Variants in PJA2 observed in about 807,000 individuals in gnomAD.
PJA2 encodes the protein praja ring finger ubiquitin ligase 2, also known as E3 ubiquitin-protein ligase Praja-2.
Under a neutral mutation model 69.3 loss-of-function variants are expected in PJA2, and 25 were observed. That is an observed-to-expected ratio of 0.36 (90% confidence interval 0.26 to 0.50). The LOEUF (loss-of-function observed/expected upper bound fraction) is 0.50, where lower values mean the gene tolerates loss of function less well. Among genes scored for constraint, PJA2 ranks in the 20% least tolerant of loss-of-function variants. The pLI is 0.96. For synonymous variants in PJA2, 308 were observed against 277.8 expected (o/e 1.11, Z -1.08); for missense variants, 809 against 830.2 (o/e 0.97, Z 0.31).
At chr5:109,342,211 C>A (rs1762081258) in intron 9 of PJA2, among the ~76,000 whole-genome samples, 1 of 82,058 alleles carries the variant, frequency 1.2e-5, no homozygotes, top group Non-Finnish European at 2.6e-5. Flanking sequence ...GGGGGTCAGC[C>A]CCCCCGCCCG....
At chr5:109,372,297 A>G (rs926619813) in intron 4 of PJA2, among the ~76,000 whole-genome samples, 1 of 152,208 alleles carries the variant, frequency 6.6e-6, no homozygotes, top group African/African-American at 2.4e-5. Flanking sequence ...CAACTCAAGA[A>G]TGCTCTATTT....
In PJA2 at chr5:109,337,022, G is replaced by A. The variant is rs1225838195; in HGVS notation, c.*209C>T. 3.3e-6 allele frequency: 1 copy of A among 300,804 alleles called. No individual in the cohort carries two copies. The highest frequency in any genetic ancestry group is 5.8e-6 in the Non-Finnish European group (1 of 172,680). 18.6% of individuals were successfully genotyped at this position (300,804 alleles called of 1,614,324 possible). ...CAAACATATTCAACTAAAGAAAATGGATGCACTGTCTCAACATTCAGCTTA... is the reference window on the plus strand; with the variant it reads ...CAAACATATTCAACTAAAGAAAATGAATGCACTGTCTCAACATTCAGCTTA... On this transcript the variant is annotated 3_prime_UTR_variant, in exon 10 of 10. Coordinates refer to ENST00000361189, the MANE Select transcript of PJA2 (RefSeq NM_014819.5).
At chr5:109,355,889 T>C (rs1316993753) in intron 7 of PJA2, 26 bp downstream of exon 7, 1 of 1,490,272 alleles carries the variant, frequency 6.7e-7, no homozygotes, top group Non-Finnish European at 9.3e-7. Flanking sequence ...TCAACTTATA[T>C]ATGGAGATCA....
chr5:109,359,159 A>G (rs1360005003), intron 6 of PJA2, among the ~76,000 whole-genome samples: 5 of 152,212 alleles, frequency 3.3e-5, no homozygotes, highest in Admixed American at 1.3e-4. Context: ...AAGAATAAAT[A>G]TATTTTCTCT....
intron 9 of PJA2, 78 bp downstream of exon 9, chr5:109,344,112 A>G: frequency 3.2e-6 from 3 of 930,734 alleles, no homozygotes; most frequent in Non-Finnish European, 4.4e-6. Context: ...AAAAAAAAAA[A>G]AAAAAAAAGA....
chr5:109,350,113 T>C (rs1415493096), intron 7 of PJA2, among the ~76,000 whole-genome samples: 1 of 152,190 alleles, frequency 6.6e-6, no homozygotes, highest in Non-Finnish European at 1.5e-5. Context: ...GTTCATTATC[T>C]CTTTCTAATG....
In PJA2 at chr5:109,337,122, C is replaced by A; in HGVS notation, c.*109G>T. The stretch of plus-strand genomic sequence containing the variant: ...TATTCTTTCTAAACTATGGCATATA[C>A]TATATATAGCATTTTTAAATATATT... On this transcript the variant is annotated 3_prime_UTR_variant, in exon 10 of 10. Transcript: ENST00000361189. 9.6e-7 allele frequency: 1 copy of A among 1,036,600 alleles called. No individual in the cohort carries two copies. The highest frequency in any genetic ancestry group is 1.3e-6 in the Non-Finnish European group (1 of 768,740). 64.2% of individuals were successfully genotyped at this position (1,036,600 alleles called of 1,614,324 possible). A position where few individuals can be genotyped will look rare whatever the true frequency, so the allele number is the denominator to read the frequency against.
chr5:109,352,791 TATTAG>T (rs1407736349), intron 7 of PJA2, among the ~76,000 whole-genome samples: 1 of 151,390 alleles, frequency 6.6e-6, no homozygotes, highest in African/African-American at 2.4e-5. Flanking sequence ...TAGATATCTA[TATTAG>T]ATATGTATAT....
rs895136736 is a variant in PJA2, at chr5:109,335,494, G to C, written c.*1737C>G. On this transcript the variant is annotated 3_prime_UTR_variant, in exon 10 of 10. Coordinates refer to ENST00000361189, the MANE Select transcript of PJA2 (RefSeq NM_014819.5). ...TTAATATAGTCTAAATATAATGTGT[G>C]GCTTATTATAGAGAAATCTTTAGCA... 3.9e-5 allele frequency: 6 copies of C among 152,248 alleles called. No homozygotes were observed. The highest frequency in any genetic ancestry group is 1.2e-4 in the African/African-American group (5 of 41,422). The allele number at this position is 152,248 out of a possible 1,614,324, so 9.4% of individuals were successfully genotyped here.
intron 4 of PJA2, among the ~76,000 whole-genome samples, chr5:109,374,764 A>T (rs1746820657): frequency 6.6e-6 from 1 of 152,196 alleles, no homozygotes; most frequent in African/African-American, 2.4e-5. Context: ...AGAAACCTCA[A>T]ATGCTATAAG....
chr5:109,391,997 A>C (rs1031112484), intron 1 of PJA2, among the ~76,000 whole-genome samples: 3 of 152,230 alleles, frequency 2.0e-5, no homozygotes, highest in African/African-American at 7.2e-5. Context: ...TGGAAGATTC[A>C]GTTTTATGAA....
At chr5:109,395,305 G>C (rs968279348) in intron 1 of PJA2, among the ~76,000 whole-genome samples, 2 of 152,190 alleles carry the variant, frequency 1.3e-5, no homozygotes, top group African/African-American at 4.8e-5. Flanking sequence ...GAAGAAGGTG[G>C]ATAGTTTGAG....
intron 5 of PJA2, among the ~76,000 whole-genome samples, chr5:109,367,728 A>G (rs1296104123): frequency 1.3e-5 from 2 of 152,232 alleles, no homozygotes; most frequent in Non-Finnish European, 2.9e-5. Context: ...TAAAATAACA[A>G]TAAACCATGA....
intron 5 of PJA2, among the ~76,000 whole-genome samples, chr5:109,364,791 A>C (rs1762560652): frequency 1.3e-5 from 2 of 152,036 alleles, no homozygotes; most frequent in Admixed American, 1.3e-4. Context: ...AAAAACTGTA[A>C]GAAAAACATC....
intron 4 of PJA2, among the ~76,000 whole-genome samples, chr5:109,376,807 A>G (rs2127005543): frequency 6.6e-6 from 1 of 152,276 alleles, no homozygotes; most frequent in East Asian, 1.9e-4. Context: ...TCCCAGATTT[A>G]GAACTACTAC....
chr5:109,394,116 T>C (rs1474030540), intron 1 of PJA2, among the ~76,000 whole-genome samples: 2 of 149,496 alleles, frequency 1.3e-5, no homozygotes, highest in Non-Finnish European at 3.0e-5. Flanking sequence ...AGCGCAATCT[T>C]GGCTCACTGC....
rs78246834 is a variant in PJA2 at position 109,361,719 on chromosome 5, G to C, written c.1652+1121C>G. ...ATGGGAAACCAGAAAATGTGTTTTA[G>C]AGTATGAGAATGTTTAAGGTAGAAA... On this transcript the variant is annotated intron_variant, in intron 6 of 9. Coordinates refer to ENST00000361189, the MANE Select transcript of PJA2 (RefSeq NM_014819.5). 7.6e-3 allele frequency among the ~76,000 whole-genome samples: 1,158 copies of C among 152,336 alleles called. 13 individuals carry two copies. The highest frequency in any genetic ancestry group is 0.026 in the African/African-American group (1,084 of 41,566).
At chr5:109,354,045 A>AT (rs1762342715) in intron 7 of PJA2, among the ~76,000 whole-genome samples, 1 of 130,606 alleles carries the variant, frequency 7.7e-6, no homozygotes, top group South Asian at 2.4e-4. Context: ...ATATCTATAG[A>AT]TTAGATATCT....
chr5:109,396,320 A>C (rs1352726427), intron 1 of PJA2, among the ~76,000 whole-genome samples: 1 of 152,072 alleles, frequency 6.6e-6, no homozygotes, highest in African/African-American at 2.4e-5. Flanking sequence ...TTATAAAACT[A>C]ATCAGTCCAA....
Sources: gnomAD v4.1 joint callset for allele counts (sites outside exome capture counted in the v4.1 genomes callset) on GRCh38, gnomAD v4.1.1 for gene constraint, MANE v1.5 for transcripts, NCBI Gene and HGNC (gene_info 2026-07-23, HGNC 2026-07-21) for gene names.